Variants in RORA observed in about 807,000 individuals in gnomAD.
The protein encoded by RORA is nuclear receptor ROR-alpha.
RORA carries 7 observed loss-of-function variants against 69.5 expected under a neutral mutation model. The observed-to-expected ratio is 0.10, with a 90% confidence interval of 0.06 to 0.19. The LOEUF (loss-of-function observed/expected upper bound fraction) is 0.19, where lower values mean the gene tolerates loss of function less well. Ranked by LOEUF, RORA falls within the 10% of genes least tolerant of loss-of-function variation. The pLI is 1.00. For synonymous variants in RORA, 261 were observed against 240.8 expected, an observed-to-expected ratio of 1.08 and a Z score of -0.78; for missense variants, 457 against 663.0, an observed-to-expected ratio of 0.69 and a Z score of 3.41.
chr15:61,026,844 C>T (rs1055663381), intron 1 of RORA, among the ~76,000 whole-genome samples: 6 of 152,158 alleles, frequency 3.9e-5, no homozygotes, highest in African/African-American at 1.4e-4. Context: ...CACCTCTGAA[C>T]AATGCCTTTA....
intron 1 of RORA, among the ~76,000 whole-genome samples, chr15:60,941,105 T>C (rs1194154389): frequency 1.3e-5 from 2 of 152,218 alleles, no homozygotes; most frequent in African/African-American, 4.8e-5. Flanking sequence ...GCCAACTTTG[T>C]GAACCTAAGC....
intron 1 of RORA, among the ~76,000 whole-genome samples, chr15:61,066,418 C>CTTTTTT (rs1168663714): frequency 1.3e-3 from 108 of 80,924 alleles, no homozygotes; most frequent in Admixed American, 1.8e-3. Context: ...GGGCATATTC[C>CTTTTTT]TTTTTTTTTT....
chr15:61,003,135 CA>C (rs1247223012), intron 1 of RORA, among the ~76,000 whole-genome samples: 3,289 of 84,168 alleles, frequency 0.039, 114 homozygotes, highest in African/African-American at 0.13. Context: ...GACTCAGTCT[CA>C]AAAAAAAAAA....
At position 60,694,027 on chromosome 15, in the gene RORA, C is replaced by T. The variant is rs72748789; in HGVS notation, c.167-15341G>A. On this transcript the variant is annotated intron_variant, in intron 1 of 10. Coordinates refer to ENST00000335670, the MANE Select transcript of RORA (RefSeq NM_134261.3). ...AAAAAGAACAAAGCAGGAGGCATCA[C>T]GCTGCTTGACTTCAAATTATACTAC... Among the ~76,000 whole-genome samples, 1,325 of 152,220 alleles carry T rather than the reference C, an allele frequency of 8.7e-3. 12 individuals are homozygous for T. Among genetic ancestry groups the T allele is most frequent in the Non-Finnish European group, 0.013 (892 of 68,004 alleles).
intron 2 of RORA, chr15:60,558,227 A>T: frequency 6.2e-7 from 1 of 1,608,210 alleles, no homozygotes; most frequent in Non-Finnish European, 8.5e-7. Context: ...TCACTTACAC[A>T]GACGCCAGTA....
intron 1 of RORA, among the ~76,000 whole-genome samples, chr15:60,852,782 A>C (rs1372671238): frequency 6.6e-6 from 1 of 152,156 alleles, no homozygotes; most frequent in Non-Finnish European, 1.5e-5. Flanking sequence ...TGGAGCTTGA[A>C]GAGATGGCCT....
chr15:61,198,995 G>A (rs2079871671), intron 1 of RORA, among the ~76,000 whole-genome samples: 1 of 152,078 alleles, frequency 6.6e-6, no homozygotes, highest in African/African-American at 2.4e-5. Context: ...CCACCTGCTA[G>A]CCCATCTCTC....
chr15:61,161,528 T>C (rs1298335594), intron 1 of RORA, among the ~76,000 whole-genome samples: 1 of 152,158 alleles, frequency 6.6e-6, no homozygotes, highest in African/African-American at 2.4e-5. Flanking sequence ...TGTATGCGCA[T>C]TCACATAGCA....
chr15:61,222,440 G>C (rs1394555611), intron 1 of RORA, among the ~76,000 whole-genome samples: 1 of 152,206 alleles, frequency 6.6e-6, no homozygotes, highest in Non-Finnish European at 1.5e-5. Flanking sequence ...GCATGTAAGA[G>C]CTGGCGCAAA....
intron 1 of RORA, among the ~76,000 whole-genome samples, chr15:60,877,371 G>T (rs7174993): frequency 1.3e-5 from 2 of 151,922 alleles, no homozygotes; most frequent in African/African-American, 4.8e-5. Flanking sequence ...CATAGTGCCC[G>T]CTATTTTATA....
intron 1 of RORA, among the ~76,000 whole-genome samples, chr15:60,698,771 T>A (rs2140787613): frequency 6.6e-6 from 1 of 152,258 alleles, no homozygotes; most frequent in Admixed American, 6.5e-5. Flanking sequence ...TGCAGAACTT[T>A]ATCATGAAAA....
chr15:60,497,008 C>T lies in RORA; in HGVS notation c.*447G>A, dbSNP rs1033231115. The T allele has an allele frequency of 6.5e-6, 1 of 154,060 alleles. No individual in the cohort carries two copies. The highest frequency in any genetic ancestry group is 6.5e-5 in the Admixed American group (1 of 15,468). 9.5% of individuals were successfully genotyped at this position (154,060 alleles called of 1,614,324 possible). A position where few individuals can be genotyped will look rare whatever the true frequency, so the allele number is the denominator to read the frequency against. On this transcript the variant is annotated 3_prime_UTR_variant, in exon 11 of 11. Coordinates refer to ENST00000335670, the MANE Select transcript of RORA (RefSeq NM_134261.3). Reference sequence around the variant, plus strand: ...TAATCGGTGAAAAAATAAAAACTTCCTTCATGAAACAAAGAGCTAGTTGTG... The same window carrying T: ...TAATCGGTGAAAAAATAAAAACTTCTTTCATGAAACAAAGAGCTAGTTGTG...
chr15:60,968,673 T>C lies in RORA; in HGVS notation c.166+260380A>G, dbSNP rs959589246. The stretch of plus-strand genomic sequence containing the variant: ...TTGCAAGCACAACATAAATCTTTTT[T>C]TTTTTTTTATTAACTGAGCCATTTG... On this transcript the variant is annotated intron_variant, in intron 1 of 10. Coordinates refer to ENST00000335670, the MANE Select transcript of RORA (RefSeq NM_134261.3). Among the ~76,000 whole-genome samples, 6 of 152,278 alleles carry C rather than the reference T, an allele frequency of 3.9e-5. No individual in the cohort carries two copies. In the East Asian group the frequency reaches 1.2e-3, roughly 29 times the overall value.
intron 1 of RORA, among the ~76,000 whole-genome samples, chr15:60,999,994 T>A (rs1437536677): frequency 6.6e-6 from 1 of 152,176 alleles, no homozygotes; most frequent in African/African-American, 2.4e-5. Flanking sequence ...TACTTCAAGA[T>A]TGCAAGGGGG....
intron 1 of RORA, among the ~76,000 whole-genome samples, chr15:60,949,230 C>T (rs1194504315): frequency 2.6e-5 from 4 of 152,156 alleles, no homozygotes; most frequent in Non-Finnish European, 4.4e-5. Flanking sequence ...GGCAGCTGAA[C>T]CCCACGTGAT....
At chr15:61,080,159 C>G (rs151333102) in intron 1 of RORA, among the ~76,000 whole-genome samples, 1 of 152,284 alleles carries the variant, frequency 6.6e-6, no homozygotes, top group Non-Finnish European at 1.5e-5. Context: ...GGGCTTCGCG[C>G]TCTTTTCCTT....
intron 2 of RORA, among the ~76,000 whole-genome samples, chr15:60,607,156 T>C (rs940074550): frequency 6.6e-6 from 1 of 152,142 alleles, no homozygotes; most frequent in Admixed American, 6.6e-5. Context: ...ACTCAAAAAG[T>C]ATGGCAGCAT....
At position 60,495,297 on chromosome 15, in the gene RORA, A is replaced by G. The variant is rs1362306117; in HGVS notation, c.*2158T>C. Reference sequence around the variant, plus strand: ...GATTTGATTTAACCCTTCTTGCCCCAATATAAATACTATATGCTGACAGTT... The same window carrying G: ...GATTTGATTTAACCCTTCTTGCCCCGATATAAATACTATATGCTGACAGTT... On this transcript the variant is annotated 3_prime_UTR_variant, in exon 11 of 11. Coordinates refer to ENST00000335670, the MANE Select transcript of RORA (RefSeq NM_134261.3). 1 of 152,218 alleles carries G rather than the reference A, an allele frequency of 6.6e-6. No homozygotes were observed. The allele number at this position is 152,218 out of a possible 1,614,324, so 9.4% of individuals were successfully genotyped here.
At chr15:61,081,376 G>C (rs1238214404) in intron 1 of RORA, among the ~76,000 whole-genome samples, 1 of 152,220 alleles carries the variant, frequency 6.6e-6, no homozygotes, top group Non-Finnish European at 1.5e-5. Flanking sequence ...TAAAAAGGCA[G>C]GAAAGTGAGT....
Sources: allele counts gnomAD v4.1 joint callset (sites outside exome capture counted in the v4.1 genomes callset), GRCh38; gene constraint gnomAD v4.1.1; transcripts MANE v1.5; gene names NCBI Gene and HGNC (gene_info 2026-07-23, HGNC 2026-07-21).